LRRC9: variants seen among roughly 807,000 people sequenced by gnomAD.
LRRC9 encodes leucine-rich repeat-containing protein 9.
In LRRC9, 122 loss-of-function variants were observed where a neutral mutation model predicts 63.2. The observed-to-expected ratio is 1.93, with a 90% confidence interval of 1.67 to 2.24. LRRC9 has a LOEUF of 2.24. Ranked by LOEUF, LRRC9 falls within the 30% of genes most tolerant of loss-of-function variation. The pLI, the probability that LRRC9 is intolerant of heterozygous loss-of-function variation, is 0.00. For missense variants in LRRC9, 1,071 were observed against 627.7 expected (o/e 1.71, Z -7.55); for synonymous variants, 366 against 213.1 (o/e 1.72, Z -6.25).
At chr14:60,006,589 C>T (rs1201919167) in exon 22 of LRRC9, 1 of 692,288 alleles carries the variant, frequency 1.4e-6, no homozygotes, top group African/African-American at 1.8e-5. Flanking sequence ...AACTATATTG[C>T]TGTCAATCAG....
rs1312256398 is a variant in LRRC9 at position 60,008,082 on chromosome 14, T to G, written c.3064-10T>G. 3.0e-6 allele frequency: 2 copies of G among 672,438 alleles called. No homozygotes were observed. Among genetic ancestry groups the G allele is most frequent in the Non-Finnish European group, 5.4e-6 (2 of 371,748 alleles). The allele number at this position is 672,438 out of a possible 1,614,324, so 41.7% of individuals were successfully genotyped here. On this transcript the variant is annotated splice_polypyrimidine_tract_variant and intron_variant, in intron 22 of 31. Coordinates refer to ENST00000445360, the Ensembl canonical transcript of LRRC9. The stretch of plus-strand genomic sequence containing the variant: ...TACATATAGATGAATATATGTATTT[T>G]ATTACCTAGGGTTTATGCAACTTGG...
chr14:60,064,120 T>C (rs309009), downstream of LRRC9, among the ~76,000 whole-genome samples: 129,276 of 152,208 alleles, frequency 0.85, 55,352 homozygotes, highest in Non-Finnish European at 0.9. Flanking sequence ...GAAGAGAACA[T>C]GTATTCAAAC....
At chr14:59,928,278 A>G (rs760898442) in exon 3 of LRRC9, 1 of 595,050 alleles carries the variant, frequency 1.7e-6, no homozygotes, top group Admixed American at 3.2e-5. Flanking sequence ...TGTTTGTGCA[A>G]TGGCTTATCT....
At position 60,031,084 on chromosome 14, in the gene LRRC9, C is replaced by T. The variant is rs1891953529; in HGVS notation, c.3922-911C>T. On this transcript the variant is annotated intron_variant, in intron 28 of 31. Coordinates refer to ENST00000445360, the Ensembl canonical transcript of LRRC9. The surrounding 1 kb of genome is among the most constrained non-coding windows in gnomAD (Gnocchi z 4.6). ...AAGACTTTTCGCATGTCCATGATTA[C>T]TGATCAGGCTTTGGTTCCACAGATA... Among the ~76,000 whole-genome samples, 1 of 152,002 alleles carries T rather than the reference C, an allele frequency of 6.6e-6. No homozygotes were observed. Among genetic ancestry groups the T allele is most frequent in the South Asian group, 2.1e-4 (1 of 4,834 alleles).
At position 59,965,150 on chromosome 14, in the gene LRRC9, A is replaced by G. The variant is rs117256003; in HGVS notation, c.1212-1439A>G. 5.3e-5 allele frequency among the ~76,000 whole-genome samples: 8 copies of G among 152,260 alleles called. No individual in the cohort carries two copies. The East Asian group carries it at 1.2e-3, about 22-fold the overall frequency. Reference sequence around the variant, plus strand: ...TGATCCGTTTTTCAATCTCATCTTAATCTAGGTTCTGTGCTAGACAGGACC... The same window carrying G: ...TGATCCGTTTTTCAATCTCATCTTAGTCTAGGTTCTGTGCTAGACAGGACC... On this transcript the variant is annotated intron_variant, in intron 10 of 31. Transcript: ENST00000445360.
At chr14:60,007,518 T>C (rs977130568) in intron 22 of LRRC9, among the ~76,000 whole-genome samples, 1 of 152,172 alleles carries the variant, frequency 6.6e-6, no homozygotes, top group Non-Finnish European at 1.5e-5. Context: ...GTAGAAGCAC[T>C]TCAGTTTCAT....
At position 60,027,955 on chromosome 14, in the gene LRRC9, C is replaced by T. The variant is rs574543223; in HGVS notation, c.3775C>T (p.Arg1259Cys). 79 of 701,694 alleles carry T rather than the reference C, an allele frequency of 1.1e-4. 1 individual carries two copies. In the East Asian group the frequency reaches 1.2e-3, roughly 10 times the overall value. 43.5% of individuals were successfully genotyped at this position (701,694 alleles called of 1,614,324 possible). Reference sequence around the variant, plus strand: ...TCAAGAATTGGTAGTGGACCATAACCGCATCCGATCATTTAATGACAGTGC... The same window carrying T: ...TCAAGAATTGGTAGTGGACCATAACTGCATCCGATCATTTAATGACAGTGC... Residue 1259 changes from arginine to cysteine, a missense_variant, in exon 28 of 32, where the codon CGC becomes TGC. Coordinates refer to ENST00000445360, the Ensembl canonical transcript of LRRC9. This position sits in a 1 kb window ranked among gnomAD's most constrained non-coding sequence, Gnocchi z 4.0.
intron 17 of LRRC9, among the ~76,000 whole-genome samples, chr14:59,985,693 A>G (rs1419747734): frequency 6.6e-6 from 1 of 152,194 alleles, no homozygotes; most frequent in African/African-American, 2.4e-5. Flanking sequence ...TAAAATAATT[A>G]ATGGATAAAT....
exon 15 of LRRC9, chr14:59,978,029 G>A (rs957766775): frequency 2.9e-6 from 2 of 700,190 alleles, no homozygotes; most frequent in Admixed American, 4.0e-5. Context: ...TCTGTCATGG[G>A]ACAAAGAAAC....
intron 29 of LRRC9, among the ~76,000 whole-genome samples, chr14:60,046,250 C>T (rs111437261): frequency 0.088 from 13,412 of 152,126 alleles, 813 homozygotes; most frequent in Non-Finnish European, 0.13. Flanking sequence ...TAGTTTCTTT[C>T]GCCATGCAGA....
intron 16 of LRRC9, 61 bp downstream of exon 16, chr14:59,982,121 G>A: frequency 1.5e-6 from 1 of 654,544 alleles, no homozygotes; most frequent in South Asian, 1.7e-5. Context: ...TCAGAATCTA[G>A]CATATGAAGT....
rs1884160583 is a variant in LRRC9, at chr14:59,959,799, G to A, written c.883-19G>A. The A allele has an allele frequency of 1.7e-6, 1 of 580,580 alleles. No homozygotes were observed. The highest frequency in any genetic ancestry group is 3.2e-5 in the Admixed American group (1 of 31,174). The allele number at this position is 580,580 out of a possible 1,614,324, so 36.0% of individuals were successfully genotyped here. ...ATGTTTTATTTTTATTTTGCTCTCT[G>A]ACACATTGTTTTCCACAGTTGGAAC... On this transcript the variant is annotated intron_variant, in intron 8 of 31. Transcript: ENST00000445360.
Position 60,017,058 on chromosome 14 carries a change from A to AT in LRRC9, c.3317+274dup, listed in dbSNP as rs1303804382. Among the ~76,000 whole-genome samples, 1 of 151,750 alleles carries AT rather than the reference A, an allele frequency of 6.6e-6. No homozygotes were observed. The highest frequency in any genetic ancestry group is 1.9e-4 in the East Asian group (1 of 5,152). Reference sequence around the variant, plus strand: ...ACCAAGCATGGCTAATTTTCTTTGTATTTTTTGTGGAGACAGCATTTATGC... The same window carrying AT: ...ACCAAGCATGGCTAATTTTCTTTGTATTTTTTTGTGGAGACAGCATTTATGC... On this transcript the variant is annotated intron_variant, in intron 24 of 31. Coordinates refer to ENST00000445360, the Ensembl canonical transcript of LRRC9. This position sits in a 1 kb window ranked among gnomAD's most constrained non-coding sequence, Gnocchi z 4.0.
chr14:59,931,216 A>C (rs2139780895), intron 4 of LRRC9, among the ~76,000 whole-genome samples, 158 bp downstream of exon 4: 1 of 152,214 alleles, frequency 6.6e-6, no homozygotes, highest in South Asian at 2.1e-4. Context: ...AGCATTTTAT[A>C]AGGTACAGAG....
exon 16 of LRRC9, chr14:59,981,987 G>A (rs146803145): frequency 3.4e-5 from 24 of 702,508 alleles, no homozygotes; most frequent in African/African-American, 2.4e-4. Flanking sequence ...ATCAAGGCCC[G>A]ACCAAAACTG....
chr14:59,987,030 C>T lies in LRRC9; in HGVS notation c.2211+1806C>T, dbSNP rs185030578. 5.7e-4 allele frequency among the ~76,000 whole-genome samples: 86 copies of T among 152,146 alleles called. 1 individual carries two copies. The highest frequency in any genetic ancestry group is 2.9e-3 in the Admixed American group (45 of 15,286). On this transcript the variant is annotated intron_variant, in intron 17 of 31. Transcript: ENST00000445360. ...TTCATCTTTTTATTATAAAATAAAA[C>T]ACAGATACAGAGAATTACATGCTAT...
intron 17 of LRRC9, among the ~76,000 whole-genome samples, chr14:59,997,022 GGATAC>G (rs1566859796): frequency 6.6e-6 from 1 of 151,932 alleles, no homozygotes; most frequent in Non-Finnish European, 1.5e-5. Flanking sequence ...AATGTTAAAA[GGATAC>G]AAAATTATAT....
rs1459593717 is a variant in LRRC9 at position 60,051,991 on chromosome 14, A to G, written c.3991-1074A>G. 6.6e-6 allele frequency among the ~76,000 whole-genome samples: 1 copy of G among 152,142 alleles called. No homozygotes were observed. Among genetic ancestry groups the G allele is most frequent in the Non-Finnish European group, 1.5e-5 (1 of 68,022 alleles). ...CCCACCCTGCTTTTCTTTGTTCCCC[A>G]TGGATCCAGTTGATTGCCTAGTCAG... On this transcript the variant is annotated intron_variant, in intron 29 of 31. Transcript: ENST00000445360. The surrounding 1 kb of genome is among the most constrained non-coding windows in gnomAD (Gnocchi z 4.7).
intron 1 of LRRC9, among the ~76,000 whole-genome samples, chr14:59,924,595 T>C (rs2139744607): frequency 6.6e-6 from 1 of 152,268 alleles, no homozygotes; most frequent in Middle Eastern, 3.4e-3. Context: ...CATTAACTAG[T>C]CTCCCTGCTT....
Sources: gnomAD v4.1 joint callset for allele counts (sites outside exome capture counted in the v4.1 genomes callset) on GRCh38, gnomAD v4.1.1 for gene constraint, Gnocchi (gnomAD v3.1) non-coding constraint, MANE v1.5 for transcripts, NCBI Gene and HGNC (gene_info 2026-07-23, HGNC 2026-07-21) for gene names.